RAB10: variants seen among roughly 807,000 people sequenced by gnomAD.
The protein encoded by RAB10 is ras-related protein Rab-10.
RAB10 carries 5 observed loss-of-function variants against 25.7 expected under a neutral mutation model. The observed-to-expected ratio is 0.19, with a 90% confidence interval of 0.10 to 0.41. RAB10 has a LOEUF of 0.41. RAB10 is among the 10% of genes least tolerant of loss of function. RAB10 has a pLI of 1.00. For missense variants in RAB10, 103 were observed against 245.8 expected, an observed-to-expected ratio of 0.42 and a Z score of 3.89; for synonymous variants, 89 against 86.4, an observed-to-expected ratio of 1.03 and a Z score of -0.16.
chr2:26,127,429 G>A lies in RAB10; in HGVS notation c.417+196G>A, dbSNP rs112783306. On this transcript the variant is annotated intron_variant, in intron 4 of 5. Transcript: ENST00000264710. ...TTTAACATGTATGGGAGAATCAAAT[G>A]TGCCCATAGTATTTTTAGCCTTATT... Among the ~76,000 whole-genome samples, 419 of 152,238 alleles carry A rather than the reference G, an allele frequency of 2.8e-3. 3 individuals carry two copies. The highest frequency in any genetic ancestry group is 9.6e-3 in the African/African-American group (399 of 41,524).
At chr2:26,094,745 G>A (rs1667176181) in intron 1 of RAB10, among the ~76,000 whole-genome samples, 1 of 152,142 alleles carries the variant, frequency 6.6e-6, no homozygotes, top group Non-Finnish European at 1.5e-5. Context: ...TTTTAGTAGA[G>A]ACGGAGTTTC....
intron 1 of RAB10, among the ~76,000 whole-genome samples, chr2:26,043,520 T>G (rs1665935037): frequency 6.6e-6 from 1 of 152,252 alleles, no homozygotes; most frequent in Non-Finnish European, 1.5e-5. Context: ...ACAACTCACA[T>G]GTTCATCAGT....
At chr2:26,065,379 C>G (rs150150119) in intron 1 of RAB10, among the ~76,000 whole-genome samples, 147 of 152,138 alleles carry the variant, frequency 9.7e-4, no homozygotes, top group African/African-American at 3.5e-3. Flanking sequence ...TTACAGCCCT[C>G]TAAGTTGTAT....
At chr2:26,098,751 C>A (rs768017804) in intron 2 of RAB10, 29 bp downstream of exon 2, 2 of 1,507,006 alleles carry the variant, frequency 1.3e-6, no homozygotes, top group Non-Finnish European at 1.8e-6. Context: ...CTTTATGTAG[C>A]AGAATGTCAG....
intron 1 of RAB10, among the ~76,000 whole-genome samples, chr2:26,071,439 A>G (rs963199729): frequency 5.9e-5 from 9 of 152,250 alleles, no homozygotes; most frequent in African/African-American, 1.9e-4. Flanking sequence ...TGTAATCCCA[A>G]CACTTTGGGA....
chr2:26,064,569 T>G (rs1176394786), intron 1 of RAB10, among the ~76,000 whole-genome samples: 2 of 152,074 alleles, frequency 1.3e-5, no homozygotes, highest in Non-Finnish European at 2.9e-5. Context: ...GGTCTCAAAC[T>G]CCTGAGCTCA....
intron 1 of RAB10, among the ~76,000 whole-genome samples, chr2:26,047,477 A>T (rs1011483959): frequency 6.6e-6 from 1 of 152,004 alleles, no homozygotes; most frequent in Non-Finnish European, 1.5e-5. Flanking sequence ...GTGCAGTGGC[A>T]CAATCTCGGC....
intron 3 of RAB10, among the ~76,000 whole-genome samples, chr2:26,113,757 A>AG (rs1553729433): frequency 4.0e-5 from 6 of 149,202 alleles, no homozygotes; most frequent in Admixed American, 6.6e-5. Context: ...AAAAAAAAAA[A>AG]AAAGAAAGAA....
Position 26,090,933 on chromosome 2 carries a change from C to A in RAB10, c.128-7729C>A, listed in dbSNP as rs567088633. Reference sequence around the variant, plus strand: ...TGGGCAAAAGAGCGAGACCCTGTCTCCCCCCCCAAAAAAAAAAAAAAAAAT... The same window carrying A: ...TGGGCAAAAGAGCGAGACCCTGTCTACCCCCCCAAAAAAAAAAAAAAAAAT... On this transcript the variant is annotated intron_variant, in intron 1 of 5. Transcript: ENST00000264710. Among the ~76,000 whole-genome samples the A allele has an allele frequency of 6.2e-3, 444 of 71,740 alleles. 4 individuals carry two copies. The highest frequency in any genetic ancestry group is 0.02 in the African/African-American group (423 of 20,704). 47.1% of individuals were successfully genotyped at this position (71,740 alleles called of 152,430 possible). A position where few individuals can be genotyped will look rare whatever the true frequency, so the allele number is the denominator to read the frequency against.
At position 26,114,177 on chromosome 2, in the gene RAB10, A is replaced by C. The variant is rs1403149115; in HGVS notation, c.327+4271A>C. 2.0e-5 allele frequency among the ~76,000 whole-genome samples: 3 copies of C among 152,304 alleles called. No individual in the cohort carries two copies. In the East Asian group the frequency reaches 5.8e-4, roughly 29 times the overall value. ...CCAAAGTGATCTACAGATTTAGTGC[A>C]ATCCCTATCAAAATCCCAATTGCTT... On this transcript the variant is annotated intron_variant, in intron 3 of 5. Transcript: ENST00000264710.
At chr2:26,114,131 A>G (rs1244337279) in intron 3 of RAB10, among the ~76,000 whole-genome samples, 1 of 152,172 alleles carries the variant, frequency 6.6e-6, no homozygotes, top group Non-Finnish European at 1.5e-5. Flanking sequence ...TTGGAAGACA[A>G]TATTAAGATG....
chr2:26,037,960 CACTGCA>C (rs1438641252), intron 1 of RAB10, among the ~76,000 whole-genome samples: 4 of 150,808 alleles, frequency 2.7e-5, no homozygotes, highest in African/African-American at 9.8e-5. Flanking sequence ...GATCTCGGCT[CACTGCA>C]ACCTCCGCCT....
In RAB10 at chr2:26,116,300, G is replaced by C. The variant is rs139585077; in HGVS notation, c.327+6394G>C. 1.8e-3 allele frequency among the ~76,000 whole-genome samples: 270 copies of C among 152,238 alleles called. 8 individuals carry two copies. In the East Asian group the frequency reaches 0.045, roughly 25 times the overall value. ...TCCTGGTAGCTAGGACTACAGGCAT[G>C]TGCCACCATGCCTGACTCACAGGTC... On this transcript the variant is annotated intron_variant, in intron 3 of 5. Transcript: ENST00000264710.
chr2:26,080,854 A>G (rs969443615), intron 1 of RAB10, among the ~76,000 whole-genome samples: 1 of 152,156 alleles, frequency 6.6e-6, no homozygotes, highest in Admixed American at 6.6e-5. Flanking sequence ...CTCTGTAGAT[A>G]CCACCTTAAC....
At chr2:26,088,366 AG>A (rs1203673160) in intron 1 of RAB10, among the ~76,000 whole-genome samples, 1 of 152,212 alleles carries the variant, frequency 6.6e-6, no homozygotes, top group Non-Finnish European at 1.5e-5. Flanking sequence ...GTAAAAAGTG[AG>A]AATTTCCTTT....
chr2:26,081,061 A>G (rs1287786625), intron 1 of RAB10, among the ~76,000 whole-genome samples: 1 of 152,136 alleles, frequency 6.6e-6, no homozygotes, highest in Non-Finnish European at 1.5e-5. Flanking sequence ...GTGATAGTGA[A>G]TAAGTCTCAT....
chr2:26,054,517 A>G (rs1273791504), intron 1 of RAB10, among the ~76,000 whole-genome samples: 1 of 152,170 alleles, frequency 6.6e-6, no homozygotes, highest in African/African-American at 2.4e-5. Context: ...TAAAAAATCT[A>G]GTAGTTTCTT....
chr2:26,057,250 C>T (rs1316048786), intron 1 of RAB10, among the ~76,000 whole-genome samples: 1 of 151,996 alleles, frequency 6.6e-6, no homozygotes. Context: ...CTTCAATGAG[C>T]ATGGAGTGAG....
chr2:26,093,042 G>T (rs1186266176), intron 1 of RAB10, among the ~76,000 whole-genome samples: 1 of 152,114 alleles, frequency 6.6e-6, no homozygotes, highest in African/African-American at 2.4e-5. Flanking sequence ...AGGGATAGGG[G>T]CATTATTGTA....
Sources: gnomAD v4.1 joint callset for allele counts (sites outside exome capture counted in the v4.1 genomes callset) on GRCh38, gnomAD v4.1.1 for gene constraint, MANE v1.5 for transcripts, NCBI Gene and HGNC (gene_info 2026-07-23, HGNC 2026-07-21) for gene names.